Variants in ADD3 observed in about 807,000 individuals in gnomAD.
The protein encoded by ADD3 is gamma-adducin.
A neutral mutation model predicts 80.2 loss-of-function variants in ADD3; 25 were observed. That is an observed-to-expected ratio of 0.31 (90% CI 0.23 to 0.44). The LOEUF is 0.44. Ranked by LOEUF, ADD3 falls within the 20% of genes least tolerant of loss-of-function variation. The pLI, the probability that ADD3 is intolerant of heterozygous loss-of-function variation, is 1.00. For missense variants in ADD3, 829 were observed against 847.5 expected (o/e 0.98, Z 0.27); for synonymous variants, 284 against 289.6 (o/e 0.98, Z 0.20).
chr10:110,117,714 T>A (rs1049834051), intron 5 of ADD3, among the ~76,000 whole-genome samples: 1 of 151,802 alleles, frequency 6.6e-6, no homozygotes, highest in Non-Finnish European at 1.5e-5. Flanking sequence ...GTAAAAAAAT[T>A]GTGTAAAAAA....
intron 1 of ADD3, among the ~76,000 whole-genome samples, chr10:110,032,774 A>G (rs1156859121): frequency 6.6e-6 from 1 of 152,192 alleles, no homozygotes; most frequent in Admixed American, 6.5e-5. Context: ...TAAGTTTGAA[A>G]ACACTTTGTG....
chr10:110,021,486 G>A (rs1026355419), intron 1 of ADD3, among the ~76,000 whole-genome samples: 1 of 152,150 alleles, frequency 6.6e-6, no homozygotes, highest in African/African-American at 2.4e-5. Flanking sequence ...ACTGATAAAT[G>A]GATAAACAAA....
intron 1 of ADD3, among the ~76,000 whole-genome samples, chr10:110,059,963 A>G (rs1350832177): frequency 2.0e-5 from 3 of 152,196 alleles, no homozygotes; most frequent in African/African-American, 7.2e-5. Flanking sequence ...CTTGTCATCC[A>G]TAGACTTGCT....
intron 1 of ADD3, among the ~76,000 whole-genome samples, chr10:110,038,734 T>A (rs572399559): frequency 6.6e-6 from 1 of 152,286 alleles, no homozygotes; most frequent in Admixed American, 6.5e-5. Context: ...ATGTGAAAAG[T>A]TAAATGCATA....
intron 1 of ADD3, among the ~76,000 whole-genome samples, chr10:110,038,121 G>A (rs1781557106): frequency 1.3e-5 from 2 of 149,960 alleles, no homozygotes; most frequent in Admixed American, 1.3e-4. Context: ...GCAACAAATT[G>A]GTAGATAAAA....
chr10:110,079,459 AGAGTGT>A lies in ADD3; in HGVS notation c.-29-21164_-29-21159del, dbSNP rs1331994393. Among the ~76,000 whole-genome samples, 729 of 112,238 alleles carry A rather than the reference AGAGTGT, an allele frequency of 6.5e-3. 2 individuals carry two copies. Among genetic ancestry groups the A allele is most frequent in the African/African-American group, 0.02 (431 of 21,476 alleles). 73.6% of individuals were successfully genotyped at this position (112,238 alleles called of 152,430 possible). On this transcript the variant is annotated intron_variant, in intron 1 of 14. Coordinates refer to ENST00000356080, the MANE Select transcript of ADD3 (RefSeq NM_016824.5). ...GAGAGAGAGAGAGAGAGAGAGAGAG[AGAGTGT>A]GTGTGTGTGTGTGTGTGTGTGTGTG...
chr10:110,118,900 A>G (rs1851112906), intron 6 of ADD3, among the ~76,000 whole-genome samples, 164 bp downstream of exon 6: 1 of 152,256 alleles, frequency 6.6e-6, no homozygotes, highest in Non-Finnish European at 1.5e-5. Flanking sequence ...CTACCATTCT[A>G]GGAAACAACT....
intron 1 of ADD3, among the ~76,000 whole-genome samples, chr10:110,052,265 C>CA (rs1284873485): frequency 1.3e-5 from 2 of 152,060 alleles, no homozygotes; most frequent in Non-Finnish European, 2.9e-5. Flanking sequence ...AGGAAAACAC[C>CA]AAAGAATCAC....
intron 3 of ADD3, among the ~76,000 whole-genome samples, chr10:110,115,999 C>T (rs939031865): frequency 6.6e-6 from 1 of 152,282 alleles, no homozygotes; most frequent in East Asian, 1.9e-4. Context: ...GTGGTGTGAG[C>T]CTTTGATATA....
intron 1 of ADD3, among the ~76,000 whole-genome samples, chr10:110,033,492 T>C (rs1855294740): frequency 3.3e-5 from 5 of 152,170 alleles, no homozygotes; most frequent in Admixed American, 3.3e-4. Context: ...AAATGCAGGG[T>C]ACAGGGATAT....
chr10:110,070,700 TGCTTGAAGGCAG>T (rs1317669048), intron 1 of ADD3, among the ~76,000 whole-genome samples: 1 of 152,136 alleles, frequency 6.6e-6, no homozygotes, highest in Non-Finnish European at 1.5e-5. Context: ...CACATTAAGA[TGCTTGAAGGCAG>T]GCAGAGTTAT....
At chr10:110,054,635 C>T (rs1165668171) in intron 1 of ADD3, among the ~76,000 whole-genome samples, 4 of 140,436 alleles carry the variant, frequency 2.8e-5, no homozygotes, top group Admixed American at 7.3e-5. Context: ...TTTTTTTAGA[C>T]GGAGTCTCGC....
chr10:110,114,908 T>G (rs1850511047), intron 3 of ADD3, among the ~76,000 whole-genome samples: 1 of 151,236 alleles, frequency 6.6e-6, no homozygotes, highest in African/African-American at 2.4e-5. Context: ...TAAGACCCCA[T>G]CTCCACTAAA....
At position 110,031,486 on chromosome 10, in the gene ADD3, A is replaced by G. The variant is rs567385477; in HGVS notation, c.-30+23187A>G. 2.0e-5 allele frequency among the ~76,000 whole-genome samples: 3 copies of G among 152,228 alleles called. No homozygotes were observed. The East Asian group carries it at 5.8e-4, about 29-fold the overall frequency. ...TAGTAGGTGGCAGAATGGAATTCCA[A>G]CCTAAGCCAGCCTGGTTCTAGAACC... is the stretch of plus-strand genomic sequence containing the variant. On this transcript the variant is annotated intron_variant, in intron 1 of 14. Transcript: ENST00000356080.
At chr10:110,065,539 C>CCTTTTTTTTT (rs1843806502) in intron 1 of ADD3, among the ~76,000 whole-genome samples, 1 of 31,186 alleles carries the variant, frequency 3.2e-5, no homozygotes, top group African/African-American at 7.9e-5. Context: ...TCTCTCTCCC[C>CCTTTTTTTTT]TTTTTTTTTT....
At chr10:110,080,376 C>T (rs1463360165) in intron 1 of ADD3, among the ~76,000 whole-genome samples, 1 of 152,068 alleles carries the variant, frequency 6.6e-6, no homozygotes, top group Non-Finnish European at 1.5e-5. Context: ...AACTGGATAA[C>T]CCAAATTATA....
chr10:110,045,491 G>C (rs1180190242), intron 1 of ADD3, among the ~76,000 whole-genome samples: 1 of 152,194 alleles, frequency 6.6e-6, no homozygotes, highest in African/African-American at 2.4e-5. Flanking sequence ...GTTGACGCTT[G>C]AGCAATGTGG....
chr10:110,036,444 G>T (rs558623292), intron 1 of ADD3, among the ~76,000 whole-genome samples: 25 of 148,364 alleles, frequency 1.7e-4, no homozygotes, highest in Non-Finnish European at 2.5e-4. Flanking sequence ...CAGTGGCGTG[G>T]TCTCAGCTCA....
intron 5 of ADD3, among the ~76,000 whole-genome samples, chr10:110,118,203 T>G (rs1396065699): frequency 2.6e-5 from 4 of 152,180 alleles, no homozygotes; most frequent in African/African-American, 9.7e-5. Flanking sequence ...GCTACCTTGG[T>G]TCTGGGTGCT....
Sources: gnomAD v4.1 joint callset for allele counts (sites outside exome capture counted in the v4.1 genomes callset) on GRCh38, gnomAD v4.1.1 for gene constraint, MANE v1.5 for transcripts, NCBI Gene and HGNC (gene_info 2026-07-23, HGNC 2026-07-21) for gene names.